The following NDST4 variants were observed in gnomAD, a reference collection of about 807,000 sequenced individuals.
The protein encoded by NDST4 is N-heparan sulfate sulfotransferase 4.
Under a neutral mutation model 100.8 loss-of-function variants are expected in NDST4, and 63 were observed. The observed-to-expected ratio is 0.62, with a 90% confidence interval of 0.51 to 0.77. NDST4 has a LOEUF of 0.77. Among genes scored for constraint, NDST4 ranks in the 30% least tolerant of loss-of-function variants. The pLI is 0.00. For missense variants in NDST4, 943 were observed against 1,018.4 expected, an observed-to-expected ratio of 0.93 and a Z score of 1.01; for synonymous variants, 377 against 361.8, an observed-to-expected ratio of 1.04 and a Z score of -0.48.
At chr4:115,065,593 T>C (rs1578494791) in intron 2 of NDST4, among the ~76,000 whole-genome samples, 1 of 150,842 alleles carries the variant, frequency 6.6e-6, no homozygotes, top group South Asian at 2.1e-4. Context: ...TATTTTAAGA[T>C]ACAATCATTA....
intron 2 of NDST4, among the ~76,000 whole-genome samples, chr4:114,978,759 T>C (rs534922091): frequency 2.6e-5 from 4 of 151,994 alleles, no homozygotes; most frequent in Admixed American, 6.6e-5. Context: ...TCTTGATTTT[T>C]AAAAAAATTT....
rs547346514 is a variant in NDST4 at position 115,026,122 on chromosome 4, G to A, written c.979-48848C>T. Among the ~76,000 whole-genome samples, 14 of 152,058 alleles carry A rather than the reference G, an allele frequency of 9.2e-5. No individual in the cohort carries two copies. In the South Asian group the frequency reaches 2.5e-3, roughly 27 times the overall value. On this transcript the variant is annotated intron_variant, in intron 2 of 13. Transcript: ENST00000264363. ...TCCCCTTTCAACTCCTTATGTTGCAGTTTTCCATTTGATTGCATGTACTTT... is the reference window on the plus strand; with the variant it reads ...TCCCCTTTCAACTCCTTATGTTGCAATTTTCCATTTGATTGCATGTACTTT...
chr4:115,038,019 A>C (rs1728269853), intron 2 of NDST4, among the ~76,000 whole-genome samples: 1 of 152,224 alleles, frequency 6.6e-6, no homozygotes, highest in Admixed American at 6.5e-5. Flanking sequence ...GGATGAAAAT[A>C]GAATTCAGAA....
intron 6 of NDST4, among the ~76,000 whole-genome samples, chr4:114,888,818 G>A (rs748948700): frequency 2.6e-5 from 4 of 152,066 alleles, no homozygotes; most frequent in African/African-American, 9.7e-5. Context: ...GCATTTCTTC[G>A]GTTGAGACCA....
At chr4:114,936,265 C>T (rs1725626747) in intron 5 of NDST4, among the ~76,000 whole-genome samples, 2 of 152,072 alleles carry the variant, frequency 1.3e-5, no homozygotes, top group South Asian at 2.1e-4. Context: ...GCCATCAATG[C>T]CACTATTTGC....
chr4:114,997,069 A>G (rs1727181365), intron 2 of NDST4, among the ~76,000 whole-genome samples: 1 of 151,962 alleles, frequency 6.6e-6, no homozygotes, highest in African/African-American at 2.4e-5. Context: ...TCATTTAGAT[A>G]TTTTTCACTT....
chr4:114,847,842 T>G (rs1379798786), intron 9 of NDST4, among the ~76,000 whole-genome samples: 2 of 152,224 alleles, frequency 1.3e-5, no homozygotes, highest in Non-Finnish European at 2.9e-5. Flanking sequence ...TAAAATAAAC[T>G]ACTGATTTAT....
At position 114,829,666 on chromosome 4, in the gene NDST4, G is replaced by C. The variant is rs560550844; in HGVS notation, c.2499+124C>G. 4 of 615,260 alleles carry C rather than the reference G, an allele frequency of 6.5e-6. No individual in the cohort carries two copies. In the South Asian group the frequency reaches 8.8e-5, roughly 13 times the overall value. 38.1% of individuals were successfully genotyped at this position (615,260 alleles called of 1,614,324 possible). A position where few individuals can be genotyped will look rare whatever the true frequency, so the allele number is the denominator to read the frequency against. On this transcript the variant is annotated intron_variant, in intron 13 of 13. Coordinates refer to ENST00000264363, the MANE Select transcript of NDST4 (RefSeq NM_022569.3). The stretch of plus-strand genomic sequence containing the variant: ...GTCAATTATCTCTATCATCCTCTAA[G>C]TATATAAAATTATTAATTGCAAAGG...
chr4:115,048,156 T>G (rs1012604309), intron 2 of NDST4, among the ~76,000 whole-genome samples: 1 of 152,030 alleles, frequency 6.6e-6, no homozygotes, highest in African/African-American at 2.4e-5. Flanking sequence ...CTGATAGGTC[T>G]TTAAGGTTTT....
chr4:115,027,408 A>G (rs942450971), intron 2 of NDST4, among the ~76,000 whole-genome samples: 1 of 152,106 alleles, frequency 6.6e-6, no homozygotes, highest in Non-Finnish European at 1.5e-5. Context: ...TATAACACAT[A>G]CCAAGCTCTC....
chr4:114,920,959 T>C (rs1403614778), intron 6 of NDST4, among the ~76,000 whole-genome samples: 1 of 152,190 alleles, frequency 6.6e-6, no homozygotes, highest in Non-Finnish European at 1.5e-5. Flanking sequence ...TAACAACTAG[T>C]AAGGGCTTTA....
intron 1 of NDST4, among the ~76,000 whole-genome samples, chr4:115,087,711 T>C (rs1244295260): frequency 6.6e-6 from 1 of 151,864 alleles, no homozygotes; most frequent in Non-Finnish European, 1.5e-5. Context: ...ATATCATATA[T>C]AATATCATGA....
intron 2 of NDST4, among the ~76,000 whole-genome samples, chr4:115,004,831 A>G (rs1727378774): frequency 6.6e-6 from 1 of 152,198 alleles, no homozygotes; most frequent in African/African-American, 2.4e-5. Context: ...TAGGAGAAAA[A>G]GTGGAAAATA....
chr4:114,999,527 C>A (rs1207515606), intron 2 of NDST4, among the ~76,000 whole-genome samples: 2 of 152,020 alleles, frequency 1.3e-5, no homozygotes, highest in African/African-American at 2.4e-5. Flanking sequence ...TATTATAATT[C>A]TTATTTGGAT....
At chr4:115,105,386 A>G (rs1578524716) in intron 1 of NDST4, among the ~76,000 whole-genome samples, 1 of 152,198 alleles carries the variant, frequency 6.6e-6, no homozygotes, top group East Asian at 1.9e-4. Context: ...GTATTATTTT[A>G]TTTTCTTTAT....
intron 13 of NDST4, among the ~76,000 whole-genome samples, chr4:114,828,150 A>G (rs1299419987): frequency 6.6e-6 from 1 of 152,178 alleles, no homozygotes; most frequent in Non-Finnish European, 1.5e-5. Context: ...AGTATATCCT[A>G]TATGGCGTAT....
chr4:115,065,394 G>C (rs1183106382), intron 2 of NDST4, among the ~76,000 whole-genome samples: 2 of 152,108 alleles, frequency 1.3e-5, no homozygotes, highest in African/African-American at 4.8e-5. Context: ...TTAAAAGAGA[G>C]TTTAAACATT....
chr4:115,043,710 G>A (rs770054610), intron 2 of NDST4, among the ~76,000 whole-genome samples: 1 of 151,948 alleles, frequency 6.6e-6, no homozygotes, highest in Non-Finnish European at 1.5e-5. Flanking sequence ...CTGTAAAATG[G>A]GGCATATAAT....
intron 2 of NDST4, among the ~76,000 whole-genome samples, chr4:115,051,214 T>G (rs1427813753): frequency 2.0e-5 from 3 of 152,118 alleles, no homozygotes; most frequent in Non-Finnish European, 4.4e-5. Context: ...TTCTCAACAG[T>G]GGTTCAAATT....
Sources: gnomAD v4.1 joint callset for allele counts (sites outside exome capture counted in the v4.1 genomes callset) on GRCh38, gnomAD v4.1.1 for gene constraint, MANE v1.5 for transcripts, NCBI Gene and HGNC (gene_info 2026-07-23, HGNC 2026-07-21) for gene names.